Variants in YBEY observed in about 807,000 individuals in gnomAD.
YBEY encodes endoribonuclease YbeY.
A neutral mutation model predicts 13.5 loss-of-function variants in YBEY; 15 were observed. The ratio of observed to expected loss-of-function variants is 1.11; its 90% confidence interval spans 0.75 to 1.72. The LOEUF (loss-of-function observed/expected upper bound fraction) is 1.72, where lower values mean the gene tolerates loss of function less well. Among genes scored for constraint, YBEY ranks in the 40% most tolerant of loss-of-function variants. The probability of loss-of-function intolerance (pLI) is 0.00; values close to 1 mark genes in which losing one functional copy is unlikely to be tolerated. For synonymous variants in YBEY, 101 were observed against 83.1 expected (o/e 1.21, Z -1.17); for missense variants, 244 against 208.4 (o/e 1.17, Z -1.05).
downstream of YBEY, among the ~76,000 whole-genome samples, chr21:46,298,933 G>A (rs1342053898): frequency 1.3e-5 from 2 of 151,266 alleles, no homozygotes; most frequent in African/African-American, 4.9e-5. Flanking sequence ...TGTTGACCAG[G>A]CTGGGCTTGA....
chr21:46,306,441 T>C, the YBEY span, among the ~76,000 whole-genome samples: 16,311 of 151,920 alleles, frequency 0.11, 2,517 homozygotes, highest in African/African-American at 0.34. Context: ...GGAGGTTGCA[T>C]TGAGCTGAGA....
chr21:46,310,492 A>T, the YBEY span, among the ~76,000 whole-genome samples: 7 of 146,586 alleles, frequency 4.8e-5, no homozygotes, highest in African/African-American at 1.9e-4. Context: ...CAAAAAAAAT[A>T]AAAATAAAAA....
chr21:46,306,508 AAT>A, the YBEY span, among the ~76,000 whole-genome samples: 1,182 of 152,272 alleles, frequency 7.8e-3, 16 homozygotes, highest in African/African-American at 0.027. Context: ...CGAAAAAAAA[AAT>A]CTTTTATGAA....
chr21:46,307,543 G>A, the YBEY span, among the ~76,000 whole-genome samples: 2 of 152,142 alleles, frequency 1.3e-5, no homozygotes, highest in Non-Finnish European at 2.9e-5. Context: ...AGGAAAGACA[G>A]GACTACCCTT....
At chr21:46,302,544 G>C (rs910007681), downstream of YBEY, 3 of 1,612,652 alleles carry the variant, frequency 1.9e-6, no homozygotes, top group African/African-American at 4.0e-5. Flanking sequence ...TGGTGCACCT[G>C]TGCGTTCTGC....
the YBEY span, chr21:46,313,196 C>A: frequency 2.6e-3 from 670 of 254,688 alleles, 6 homozygotes; most frequent in Middle Eastern, 0.036. Flanking sequence ...TGGGCCTGGC[C>A]CAATAAAACT....
At chr21:46,288,595 C>T (rs942131838) in intron 2 of YBEY, among the ~76,000 whole-genome samples, 16 of 152,072 alleles carry the variant, frequency 1.1e-4, no homozygotes, top group African/African-American at 3.9e-4. Flanking sequence ...AGGAAAATCT[C>T]TTGAACCAGG....
intron 2 of YBEY, among the ~76,000 whole-genome samples, chr21:46,287,574 T>C (rs138325974): frequency 6.6e-6 from 1 of 152,178 alleles, no homozygotes; most frequent in African/African-American, 2.4e-5. Flanking sequence ...CAGACATGAT[T>C]TTTAATTTTA....
chr21:46,297,385 C>A, intron 4 of YBEY, among the ~76,000 whole-genome samples, 154 bp from the exon 5 acceptor site: 1 of 10,080 alleles, frequency 9.9e-5, no homozygotes, highest in African/African-American at 5.1e-4. Context: ...GTGAAGGTGC[C>A]CGGAGCCGGG....
the YBEY span, among the ~76,000 whole-genome samples, chr21:46,309,926 G>A: frequency 1.3e-5 from 2 of 152,208 alleles, no homozygotes; most frequent in Admixed American, 1.3e-4. Context: ...AACCTGGAGG[G>A]GCAGAGGTTG....
chr21:46,305,730 A>G, the YBEY span, among the ~76,000 whole-genome samples: 3 of 151,924 alleles, frequency 2.0e-5, no homozygotes, highest in Non-Finnish European at 4.4e-5. Context: ...ATGAGGTTAG[A>G]AGATCGAGAC....
intron 3 of YBEY, among the ~76,000 whole-genome samples, chr21:46,295,537 C>A: frequency 6.6e-6 from 1 of 152,094 alleles, no homozygotes. Context: ...CCGGGTGCCC[C>A]TCCCCTGTGG....
At chr21:46,299,255 G>T (rs565602332), downstream of YBEY, among the ~76,000 whole-genome samples, 1 of 152,028 alleles carries the variant, frequency 6.6e-6, no homozygotes, top group Admixed American at 6.6e-5. Flanking sequence ...GGTGTGAGCC[G>T]CTGTGCCTGG....
chr21:46,288,592 T>C (rs1435432143), intron 2 of YBEY, among the ~76,000 whole-genome samples: 1 of 151,138 alleles, frequency 6.6e-6, no homozygotes, highest in Admixed American at 6.6e-5. Context: ...GGCAGGAAAA[T>C]CTCTTGAACC....
the YBEY span, among the ~76,000 whole-genome samples, chr21:46,303,968 G>T: frequency 1.4e-5 from 2 of 144,442 alleles, no homozygotes; most frequent in African/African-American, 5.1e-5. Flanking sequence ...AGCCAGGATG[G>T]TCTCGATCTC....
the YBEY span, among the ~76,000 whole-genome samples, chr21:46,303,677 TACACACACACACAC>T: frequency 3.0e-5 from 1 of 33,170 alleles, no homozygotes; most frequent in Non-Finnish European, 5.3e-5. Context: ...ACCTCATCTC[TACACACACACACAC>T]ACACACACAC....
intron 3 of YBEY, among the ~76,000 whole-genome samples, chr21:46,295,569 C>G (rs73144798): frequency 0.058 from 8,803 of 152,178 alleles, 348 homozygotes; most frequent in Non-Finnish European, 0.086. Context: ...GCCCTCTCTC[C>G]AGGGGGACAT....
intron 2 of YBEY, among the ~76,000 whole-genome samples, chr21:46,290,991 G>A (rs2145785917): frequency 1.3e-5 from 2 of 150,402 alleles, no homozygotes; most frequent in East Asian, 3.9e-4. Flanking sequence ...ACTCCAGCCT[G>A]GGCAACAAGA....
At chr21:46,312,980 G>A in the YBEY span, 1 of 985,296 alleles carries the variant, frequency 1.0e-6, no homozygotes, top group Non-Finnish European at 1.2e-6. Flanking sequence ...AGCATGAAAG[G>A]CCTTCTGTTT....
Sources: allele counts gnomAD v4.1 joint callset (sites outside exome capture counted in the v4.1 genomes callset), GRCh38; gene constraint gnomAD v4.1.1; transcripts MANE v1.5; gene names NCBI Gene and HGNC (gene_info 2026-07-23, HGNC 2026-07-21).